Variants in CELF2 observed in about 807,000 individuals in gnomAD.
The protein encoded by CELF2 is CUGBP Elav-like family member 2.
A neutral mutation model predicts 62.6 loss-of-function variants in CELF2; 8 were observed. The observed-to-expected ratio is 0.13, with a 90% CI of 0.07 to 0.23. CELF2 has a LOEUF of 0.23. CELF2 is among the 10% of genes least tolerant of loss of function. The probability of loss-of-function intolerance (pLI) is 1.00; values close to 1 mark genes in which losing one functional copy is unlikely to be tolerated. For synonymous variants in CELF2, 258 were observed against 250.0 expected, an observed-to-expected ratio of 1.03 and a Z score of -0.30; for missense variants, 333 against 671.0, an observed-to-expected ratio of 0.50 and a Z score of 5.56.
At chr10:10,686,173 G>A in the CELF2 span, among the ~76,000 whole-genome samples, 1 of 152,124 alleles carries the variant, frequency 6.6e-6, no homozygotes, top group Admixed American at 6.5e-5. Context: ...AAAATTGGGA[G>A]AGTGTTGATA....
intron 4 of CELF2, among the ~76,000 whole-genome samples, chr10:11,251,270 A>ATTTTTTTTTTTTTTTT (rs66615560): frequency 3.2e-5 from 2 of 63,300 alleles, no homozygotes; most frequent in Non-Finnish European, 5.3e-5. Context: ...ACACAAAGGG[A>ATTTTTTTTTTTTTTTT]TTTTTTTTTT....
the CELF2 span, among the ~76,000 whole-genome samples, chr10:10,712,296 A>G: frequency 6.6e-6 from 1 of 152,156 alleles, no homozygotes; most frequent in African/African-American, 2.4e-5. Context: ...AAGACACAAG[A>G]ACGTTCAGAG....
the CELF2 span, among the ~76,000 whole-genome samples, chr10:10,469,206 G>T: frequency 6.6e-6 from 1 of 151,570 alleles, no homozygotes; most frequent in Non-Finnish European, 1.5e-5. Context: ...CCATGTTATC[G>T]TGCATATTTT....
chr10:10,667,541 T>C, the CELF2 span, among the ~76,000 whole-genome samples: 6 of 152,202 alleles, frequency 3.9e-5, no homozygotes, highest in Non-Finnish European at 1.5e-5. Flanking sequence ...TTAAAGAGTA[T>C]GTAAACTGGA....
chr10:11,051,257 C>T (rs1235850047), intron 1 of CELF2, among the ~76,000 whole-genome samples: 9 of 152,174 alleles, frequency 5.9e-5, no homozygotes, highest in Non-Finnish European at 1.0e-4. Context: ...TGGAGCCAGA[C>T]AGTGATACAG....
the CELF2 span, among the ~76,000 whole-genome samples, chr10:10,483,228 A>C: frequency 6.6e-6 from 1 of 152,020 alleles, no homozygotes; most frequent in Non-Finnish European, 1.5e-5. Flanking sequence ...AAAAAAAAAA[A>C]AAAAAAAGCA....
At chr10:10,978,365 C>A (rs2051618780) in intron 2 of CELF2, among the ~76,000 whole-genome samples, 1 of 152,146 alleles carries the variant, frequency 6.6e-6, no homozygotes, top group Admixed American at 6.5e-5. Context: ...GTGAATCCAT[C>A]ATAAAAAATT....
chr10:10,761,232 G>A, the CELF2 span, among the ~76,000 whole-genome samples: 1 of 152,178 alleles, frequency 6.6e-6, no homozygotes, highest in South Asian at 2.1e-4. Flanking sequence ...GAGTATAAAA[G>A]ACATCTCTCA....
At chr10:11,053,612 C>CTTTTT (rs35886208) in intron 1 of CELF2, among the ~76,000 whole-genome samples, 18 of 122,420 alleles carry the variant, frequency 1.5e-4, no homozygotes, top group African/African-American at 3.6e-4. Context: ...TCTGATATTT[C>CTTTTT]TTTTTTTTTT....
chr10:11,276,447 G>C (rs1281775330), intron 8 of CELF2, among the ~76,000 whole-genome samples: 1 of 152,238 alleles, frequency 6.6e-6, no homozygotes, highest in African/African-American at 2.4e-5. Context: ...AGCTGGCCTT[G>C]GAGCTAAGAA....
At chr10:11,184,809 C>T (rs140340032) in intron 2 of CELF2, among the ~76,000 whole-genome samples, 58 of 152,300 alleles carry the variant, frequency 3.8e-4, no homozygotes, top group African/African-American at 1.3e-3. Context: ...GGATTTTCTA[C>T]GTAAATGGTC....
At chr10:10,975,195 G>A (rs577032186) in intron 2 of CELF2, among the ~76,000 whole-genome samples, 1 of 152,284 alleles carries the variant, frequency 6.6e-6, no homozygotes, top group East Asian at 1.9e-4. Flanking sequence ...ATGGCGTACT[G>A]CAGCTTCAAC....
the CELF2 span, among the ~76,000 whole-genome samples, chr10:10,712,147 C>CAAAAA: frequency 6.9e-3 from 299 of 43,406 alleles, 39 homozygotes; most frequent in Middle Eastern, 0.026. Flanking sequence ...AGGATAGAGA[C>CAAAAA]AAAAAAAAAA....
At chr10:11,013,363 A>G (rs1161085567), upstream of CELF2, among the ~76,000 whole-genome samples, 1 of 152,168 alleles carries the variant, frequency 6.6e-6, no homozygotes, top group Non-Finnish European at 1.5e-5. The surrounding 1 kb of genome is among the most constrained non-coding windows in gnomAD (Gnocchi z 4.1). Context: ...AAGTGATGAG[A>G]TGGTTGGGCT....
chr10:10,518,671 T>A, the CELF2 span, among the ~76,000 whole-genome samples: 1 of 152,148 alleles, frequency 6.6e-6, no homozygotes, highest in Non-Finnish European at 1.5e-5. Context: ...GTGGCACCAA[T>A]TTTTTAATGG....
chr10:10,771,108 A>G, the CELF2 span, among the ~76,000 whole-genome samples: 1 of 152,170 alleles, frequency 6.6e-6, no homozygotes, highest in East Asian at 1.9e-4. Flanking sequence ...GATGTTAGCA[A>G]TTACTGCTTT....
chr10:10,743,610 C>T, the CELF2 span, among the ~76,000 whole-genome samples: 2 of 152,324 alleles, frequency 1.3e-5, no homozygotes, highest in African/African-American at 4.8e-5. Context: ...CTATTTCCCA[C>T]TCATTTATTT....
chr10:11,014,452 G>C (rs538088611), upstream of CELF2, among the ~76,000 whole-genome samples: 27 of 152,314 alleles, frequency 1.8e-4, no homozygotes, highest in African/African-American at 6.0e-4. Context: ...TCAAGCACCA[G>C]TCCCTAAATT....
the CELF2 span, among the ~76,000 whole-genome samples, chr10:10,664,380 C>G: frequency 3.3e-4 from 50 of 152,186 alleles, 1 homozygote; most frequent in South Asian, 9.8e-3. Context: ...TTAAAAAGCT[C>G]TGTGCTGAAA....
Sources: gnomAD v4.1 joint callset for allele counts (sites outside exome capture counted in the v4.1 genomes callset) on GRCh38, gnomAD v4.1.1 for gene constraint, Gnocchi (gnomAD v3.1) non-coding constraint, MANE v1.5 for transcripts, NCBI Gene and HGNC (gene_info 2026-07-23, HGNC 2026-07-21) for gene names.